Variants in GRK3 observed in about 807,000 individuals in gnomAD.
The protein encoded by GRK3 is G protein-coupled receptor kinase 3.
Under a neutral mutation model 95.7 loss-of-function variants are expected in GRK3, and 54 were observed. That is an observed-to-expected ratio of 0.56 (90% confidence interval 0.45 to 0.71). The LOEUF (loss-of-function observed/expected upper bound fraction) is 0.71, where lower values mean the gene tolerates loss of function less well. Among genes scored for constraint, GRK3 ranks in the 30% least tolerant of loss-of-function variants. GRK3 has a pLI of 0.00. For missense variants in GRK3, 649 were observed against 851.2 expected (o/e 0.76, Z 2.96); for synonymous variants, 281 against 290.8 (o/e 0.97, Z 0.34).
At chr22:25,585,747 T>A (rs575960383) in intron 1 of GRK3, among the ~76,000 whole-genome samples, 5,423 of 152,262 alleles carry the variant, frequency 0.036, 50 homozygotes, top group African/African-American at 0.082. Flanking sequence ...CAGAAAAGCG[T>A]TTTCAGCCAA....
chr22:25,705,259 G>A (rs1467293503), intron 15 of GRK3, among the ~76,000 whole-genome samples: 1 of 152,044 alleles, frequency 6.6e-6, no homozygotes, highest in Non-Finnish European at 1.5e-5. Flanking sequence ...CTCCTCTTTT[G>A]CTTTCCTCTG....
At chr22:25,699,674 ATTTTC>A (rs200739535) in intron 13 of GRK3, among the ~76,000 whole-genome samples, 251 of 139,856 alleles carry the variant, frequency 1.8e-3, no homozygotes, top group Non-Finnish European at 2.4e-3. Flanking sequence ...GGGTCTTTCT[ATTTTC>A]TTTTCTTTTC....
intron 3 of GRK3, chr22:25,648,463 G>A (rs1373860943): frequency 1.6e-5 from 21 of 1,345,118 alleles, no homozygotes; most frequent in Non-Finnish European, 1.6e-5. Context: ...GGACAAGGAT[G>A]TTTTGGCAAA....
At chr22:25,619,528 A>C (rs939958094) in intron 2 of GRK3, among the ~76,000 whole-genome samples, 9 of 152,036 alleles carry the variant, frequency 5.9e-5, no homozygotes, top group African/African-American at 2.2e-4. Context: ...CTGTTGCCCA[A>C]GCTGGAGTTT....
intron 11 of GRK3, among the ~76,000 whole-genome samples, 178 bp downstream of exon 11, chr22:25,687,845 G>A (rs962985524): frequency 6.6e-5 from 10 of 152,172 alleles, no homozygotes; most frequent in African/African-American, 1.4e-4. Flanking sequence ...CGGGGACGGA[G>A]CGCATGTCTG....
At chr22:25,646,866 C>T (rs946098323) in intron 3 of GRK3, among the ~76,000 whole-genome samples, 1 of 151,530 alleles carries the variant, frequency 6.6e-6, no homozygotes, top group Non-Finnish European at 1.5e-5. Context: ...ACTAAAAATA[C>T]AAAAATTAGC....
In GRK3 at chr22:25,565,390, G is replaced by C. The variant is rs928054168; in HGVS notation, c.113+237G>C. On this transcript the variant is annotated intron_variant, in intron 1 of 20. Transcript: ENST00000324198. ...CAAAGTGCCCGGCGCGGCGCCCTGC[G>C]CGCAGCGAGCGCCCCAGCCAGGGTC... Among the ~76,000 whole-genome samples, 5 of 152,194 alleles carry C rather than the reference G, an allele frequency of 3.3e-5. No individual in the cohort carries two copies. In the East Asian group the frequency reaches 9.7e-4, roughly 29 times the overall value.
At chr22:25,710,541 G>C (rs1268394625) in intron 16 of GRK3, among the ~76,000 whole-genome samples, 2 of 152,186 alleles carry the variant, frequency 1.3e-5, no homozygotes, top group East Asian at 1.9e-4. Context: ...TTGATTATCA[G>C]CTTTAAACTT....
At chr22:25,627,139 C>T (rs2084633649) in intron 2 of GRK3, among the ~76,000 whole-genome samples, 1 of 152,178 alleles carries the variant, frequency 6.6e-6, no homozygotes, top group Non-Finnish European at 1.5e-5. Context: ...CAGGGACTCC[C>T]ATGTTGGGGA....
At position 25,648,479 on chromosome 22, in the gene GRK3, G is replaced by C. The variant is rs549620344; in HGVS notation, c.264+3814G>C. On this transcript the variant is annotated intron_variant, in intron 3 of 20. Transcript: ENST00000324198. The stretch of plus-strand genomic sequence containing the variant: ...GACAAGGATGTTTTGGCAAAGTGTG[G>C]ATGGGAATATGGAATGGAACCACAA... The C allele has an allele frequency of 1.4e-4, 194 of 1,380,592 alleles. 3 individuals are homozygous for C. The South Asian group carries it at 2.1e-3, about 15-fold the overall frequency. 85.5% of individuals were successfully genotyped at this position (1,380,592 alleles called of 1,614,324 possible).
At chr22:25,575,022 T>C (rs1274900686) in intron 1 of GRK3, among the ~76,000 whole-genome samples, 1 of 152,228 alleles carries the variant, frequency 6.6e-6, no homozygotes, top group East Asian at 1.9e-4. Flanking sequence ...CGTATGTTGG[T>C]GACTTTGTTG....
intron 13 of GRK3, among the ~76,000 whole-genome samples, chr22:25,697,913 T>C (rs1053232013): frequency 1.3e-5 from 2 of 152,180 alleles, no homozygotes; most frequent in African/African-American, 2.4e-5. Context: ...TGTTCAGAAG[T>C]CACTCACAGA....
intron 1 of GRK3, among the ~76,000 whole-genome samples, chr22:25,572,666 G>A (rs1318200184): frequency 6.6e-6 from 1 of 152,130 alleles, no homozygotes; most frequent in Non-Finnish European, 1.5e-5. Context: ...CTCTGGGATG[G>A]TGGTATCAGT....
intron 17 of GRK3, among the ~76,000 whole-genome samples, chr22:25,712,105 C>T (rs2085348391): frequency 6.6e-6 from 1 of 152,198 alleles, no homozygotes; most frequent in Non-Finnish European, 1.5e-5. Flanking sequence ...CTGGGGAACC[C>T]AGTGGCAGCT....
intron 1 of GRK3, among the ~76,000 whole-genome samples, chr22:25,598,304 G>A (rs1184972022): frequency 6.6e-6 from 1 of 152,088 alleles, no homozygotes; most frequent in Non-Finnish European, 1.5e-5. Context: ...GATAAAAATT[G>A]AATCATAAGA....
At position 25,721,414 on chromosome 22, in the gene GRK3, T is replaced by C. The variant is rs760471726; in HGVS notation, c.1905+17T>C. 7.3e-7 allele frequency: 1 copy of C among 1,368,466 alleles called. No individual in the cohort carries two copies. 84.8% of individuals were successfully genotyped at this position (1,368,466 alleles called of 1,614,324 possible). ...CAATGTGAGGTGAGTTTTTATTTTTTCTTAGGTGAATGTTAGAATAATTAA... is the reference window on the plus strand; with the variant it reads ...CAATGTGAGGTGAGTTTTTATTTTTCCTTAGGTGAATGTTAGAATAATTAA... On this transcript the variant is annotated intron_variant, in intron 20 of 20. Transcript: ENST00000324198.
chr22:25,725,643 C>G lies in GRK3; in HGVS notation c.*3193C>G. 1 of 398,466 alleles carries G rather than the reference C, an allele frequency of 2.5e-6. No individual in the cohort carries two copies. 24.7% of individuals were successfully genotyped at this position (398,466 alleles called of 1,614,324 possible). On this transcript the variant is annotated 3_prime_UTR_variant, in exon 21 of 21. Transcript: ENST00000324198. Reference sequence around the variant, plus strand: ...TTCACTGACGTGACAATTTCAGGTCCTATGTTTAAAAAGAAGGGGCTGGCC... The same window carrying G: ...TTCACTGACGTGACAATTTCAGGTCGTATGTTTAAAAAGAAGGGGCTGGCC...
chr22:25,637,369 TTA>T (rs2084710002), intron 2 of GRK3, among the ~76,000 whole-genome samples: 1 of 152,232 alleles, frequency 6.6e-6, no homozygotes, highest in Non-Finnish European at 1.5e-5. Context: ...TCTTACTTGC[TTA>T]TATGTTTCTC....
At chr22:25,576,233 T>C (rs1271809887) in intron 1 of GRK3, among the ~76,000 whole-genome samples, 2 of 151,906 alleles carry the variant, frequency 1.3e-5, no homozygotes, top group Non-Finnish European at 2.9e-5. Flanking sequence ...CAGAAGGTGG[T>C]ATAGCGAGCA....
Sources: gnomAD v4.1 joint callset for allele counts (sites outside exome capture counted in the v4.1 genomes callset) on GRCh38, gnomAD v4.1.1 for gene constraint, MANE v1.5 for transcripts, NCBI Gene and HGNC (gene_info 2026-07-23, HGNC 2026-07-21) for gene names.